Variants in CTNND2 observed in about 807,000 individuals in gnomAD.
The protein encoded by CTNND2 is catenin delta-2.
CTNND2 carries 22 observed loss-of-function variants against 144.4 expected under a neutral mutation model. That is an observed-to-expected ratio of 0.15 (90% CI 0.11 to 0.22). The LOEUF (loss-of-function observed/expected upper bound fraction) is 0.22, where lower values mean the gene tolerates loss of function less well. Ranked by LOEUF, CTNND2 falls within the 10% of genes least tolerant of loss-of-function variation. CTNND2 has a pLI of 1.00. For synonymous variants in CTNND2, 751 were observed against 695.6 expected, an observed-to-expected ratio of 1.08 and a Z score of -1.25; for missense variants, 1,353 against 1,618.8, an observed-to-expected ratio of 0.84 and a Z score of 2.82.
chr5:11,513,686 G>A (rs1180754076), intron 3 of CTNND2, among the ~76,000 whole-genome samples: 4 of 151,684 alleles, frequency 2.6e-5, no homozygotes, highest in Non-Finnish European at 4.4e-5. Context: ...TCAGTTGTGC[G>A]GCTGTTAAAA....
rs192206068 is a variant in CTNND2, at chr5:11,188,540, G to A, written c.1975+10908C>T. On this transcript the variant is annotated intron_variant, in intron 11 of 21. Transcript: ENST00000304623. Reference sequence around the variant, plus strand: ...CCTAGATGATGGGTTGCTAGGTGTAGCAAGCCACCATGGCACACATTTACC... The same window carrying A: ...CCTAGATGATGGGTTGCTAGGTGTAACAAGCCACCATGGCACACATTTACC... 1.3e-4 allele frequency among the ~76,000 whole-genome samples: 20 copies of A among 152,314 alleles called. No individual in the cohort carries two copies. In the East Asian group the frequency reaches 2.7e-3, roughly 21 times the overall value.
Position 11,693,011 on chromosome 5 carries a change from G to A in CTNND2, c.174+39125C>T, listed in dbSNP as rs143426671. On this transcript the variant is annotated intron_variant, in intron 2 of 21. Coordinates refer to ENST00000304623, the MANE Select transcript of CTNND2 (RefSeq NM_001332.4). ...AATTTCTGTATTTCTTCAAAGTTTA[G>A]TCCTAAAACACATCTGGGTTGTCAA... Among the ~76,000 whole-genome samples the A allele has an allele frequency of 7.2e-5, 11 of 152,260 alleles. No individual in the cohort carries two copies. The East Asian group carries it at 2.1e-3, about 29-fold the overall frequency.
At chr5:11,110,384 CAATGGA>C (rs1338061037) in intron 14 of CTNND2, among the ~76,000 whole-genome samples, 1 of 152,124 alleles carries the variant, frequency 6.6e-6, no homozygotes, top group Non-Finnish European at 1.5e-5. Context: ...ACCCCATTTC[CAATGGA>C]AAGTGTGAGA....
intron 12 of CTNND2, among the ~76,000 whole-genome samples, chr5:11,132,616 G>T (rs1030997028): frequency 4.6e-5 from 7 of 152,160 alleles, no homozygotes; most frequent in African/African-American, 1.4e-4. Context: ...ATACATTTCT[G>T]CTGTTTGTAA....
chr5:11,571,892 T>C (rs989868800), intron 2 of CTNND2, among the ~76,000 whole-genome samples: 2 of 152,170 alleles, frequency 1.3e-5, no homozygotes, highest in African/African-American at 4.8e-5. Context: ...TGACTCTTTA[T>C]TGGAAGTACT....
chr5:11,058,566 C>G (rs10039947), intron 16 of CTNND2, among the ~76,000 whole-genome samples: 3,578 of 152,336 alleles, frequency 0.023, 152 homozygotes, highest in African/African-American at 0.082. Flanking sequence ...CATGGAGAAC[C>G]TCTGCTCGGG....
chr5:11,497,840 C>T (rs1770128943), intron 3 of CTNND2, among the ~76,000 whole-genome samples: 1 of 152,088 alleles, frequency 6.6e-6, no homozygotes, highest in Non-Finnish European at 1.5e-5. Flanking sequence ...ACCCCACTGC[C>T]ATGGAATAGG....
intron 9 of CTNND2, among the ~76,000 whole-genome samples, chr5:11,328,385 C>A (rs1260160521): frequency 6.6e-6 from 1 of 151,894 alleles, no homozygotes; most frequent in East Asian, 1.9e-4. Context: ...CTTGACCTCC[C>A]CAGGTTCAGG....
chr5:11,533,885 G>C (rs1230105714), intron 3 of CTNND2, among the ~76,000 whole-genome samples: 1 of 152,196 alleles, frequency 6.6e-6, no homozygotes, highest in Non-Finnish European at 1.5e-5. Flanking sequence ...CCAGGGCTTA[G>C]TGATCTGGAC....
chr5:11,568,451 G>A (rs2150112001), intron 2 of CTNND2, among the ~76,000 whole-genome samples: 1 of 152,236 alleles, frequency 6.6e-6, no homozygotes, highest in Non-Finnish European at 1.5e-5. Context: ...ACACCACTGA[G>A]GCTAGGATCT....
At chr5:11,120,141 T>C (rs1753939923) in intron 12 of CTNND2, among the ~76,000 whole-genome samples, 1 of 152,312 alleles carries the variant, frequency 6.6e-6, no homozygotes, top group Non-Finnish European at 1.5e-5. Context: ...GTGTAAGATA[T>C]TGAAAAATGA....
chr5:11,714,816 G>C (rs1275827886), intron 2 of CTNND2, among the ~76,000 whole-genome samples: 1 of 151,784 alleles, frequency 6.6e-6, no homozygotes, highest in Non-Finnish European at 1.5e-5. Context: ...GGCTGAAGCA[G>C]GAGAATGGCA....
chr5:11,339,876 T>C (rs1754068750), intron 9 of CTNND2, among the ~76,000 whole-genome samples: 1 of 152,222 alleles, frequency 6.6e-6, no homozygotes, highest in East Asian at 1.9e-4. Flanking sequence ...TACCCAGAGA[T>C]ATTTTTCTTA....
intron 1 of CTNND2, among the ~76,000 whole-genome samples, chr5:11,806,964 T>A (rs1351989153): frequency 1.3e-5 from 2 of 152,078 alleles, no homozygotes; most frequent in African/African-American, 4.8e-5. Context: ...CTCTTTTTCT[T>A]TATGTTTTGT....
In CTNND2 at chr5:11,772,467, G is replaced by T. The variant is rs751790319; in HGVS notation, c.38-40195C>A. ...CAGAGGACTTTGAATATTTTAAACCGTCTCTGAAAAGTTGAATGTGTATGC... is the reference window on the plus strand; with the variant it reads ...CAGAGGACTTTGAATATTTTAAACCTTCTCTGAAAAGTTGAATGTGTATGC... On this transcript the variant is annotated intron_variant, in intron 1 of 21. Transcript: ENST00000304623. 2.0e-5 allele frequency among the ~76,000 whole-genome samples: 3 copies of T among 152,222 alleles called. No individual in the cohort carries two copies. In the South Asian group the frequency reaches 6.2e-4, roughly 32 times the overall value.
intron 12 of CTNND2, among the ~76,000 whole-genome samples, chr5:11,129,169 T>TAATATATAA (rs1356317941): frequency 5.2e-5 from 1 of 19,292 alleles, no homozygotes; most frequent in African/African-American, 1.7e-4. Context: ...ATATTATATA[T>TAATATATAA]TATATATTTT....
At position 11,111,047 on chromosome 5, in the gene CTNND2, C is replaced by T. The variant is rs200200240; in HGVS notation, c.2278-4G>A. The T allele has an allele frequency of 2.5e-6, 4 of 1,610,730 alleles. No homozygotes were observed. In the African/African-American group the frequency reaches 5.3e-5, roughly 21 times the overall value. ...TGCACACACAGTTTTCAACGGTCTG[C>T]AGAAAAGGGGGAAACAGAGGAAAGA... On this transcript the variant is annotated splice_polypyrimidine_tract_variant and splice_region_variant and intron_variant, in intron 13 of 21. Transcript: ENST00000304623.
At chr5:11,149,852 T>A (rs1055173718) in intron 12 of CTNND2, among the ~76,000 whole-genome samples, 1 of 152,230 alleles carries the variant, frequency 6.6e-6, no homozygotes, top group African/African-American at 2.4e-5. Context: ...TGACCAAGCA[T>A]GAAACCTGGA....
chr5:11,712,866 G>T (rs1000152838), intron 2 of CTNND2, among the ~76,000 whole-genome samples: 3 of 152,110 alleles, frequency 2.0e-5, no homozygotes, highest in Non-Finnish European at 2.9e-5. Context: ...ATTATTTTTT[G>T]ATTAAGTATA....
Sources: gnomAD v4.1 joint callset for allele counts (sites outside exome capture counted in the v4.1 genomes callset) on GRCh38, gnomAD v4.1.1 for gene constraint, MANE v1.5 for transcripts, NCBI Gene and HGNC (gene_info 2026-07-23, HGNC 2026-07-21) for gene names.